The following ATP5F1C variants were observed in gnomAD, a reference collection of about 807,000 sequenced individuals.
ATP5F1C encodes the protein ATP synthase F1 subunit gamma, also known as ATP synthase F(1) complex subunit gamma, mitochondrial.
A neutral mutation model predicts 37.4 loss-of-function variants in ATP5F1C; 22 were observed. That is an observed-to-expected ratio of 0.59 (90% CI 0.42 to 0.84). The LOEUF (loss-of-function observed/expected upper bound fraction) is 0.84, where lower values mean the gene tolerates loss of function less well. ATP5F1C is among the 40% of genes least tolerant of loss of function. The pLI is 0.00. For synonymous variants in ATP5F1C, 121 were observed against 128.0 expected, an observed-to-expected ratio of 0.95 and a Z score of 0.37; for missense variants, 286 against 362.4, an observed-to-expected ratio of 0.79 and a Z score of 1.71.
At position 7,802,423 on chromosome 10, in the gene ATP5F1C, C is replaced by T. The variant is rs773480550; in HGVS notation, c.791C>T (p.Ala264Val). The T allele has an allele frequency of 2.0e-5, 33 of 1,611,308 alleles. No individual in the cohort carries two copies. Among genetic ancestry groups the T allele is most frequent in the Non-Finnish European group, 2.2e-5 (26 of 1,178,856 alleles). ...MTAMDNASKN[A>V]SEMIDKLTLT... ...GCCATGGACAATGCCAGCAAGAATG[C>T]TTGTAAGTACACAGTATGGACAGTG... Residue 264 changes from alanine to valine, a missense_variant and splice_region_variant, in exon 7 of 10, where the codon GCT (alanine) becomes GTT (valine). Transcript: ENST00000356708.
intron 2 of ATP5F1C, 73 bp downstream of exon 2, chr10:7,796,228 A>C: frequency 7.5e-7 from 1 of 1,330,982 alleles, no homozygotes; most frequent in Non-Finnish European, 1.0e-6. Context: ...ACTTTCAAAA[A>C]TATACTGCTT....
At chr10:7,797,324 C>G in intron 3 of ATP5F1C, 146 bp downstream of exon 3, 2 of 1,028,108 alleles carry the variant, frequency 1.9e-6, no homozygotes, top group Non-Finnish European at 1.4e-6. Context: ...CCACTTGACA[C>G]GTAATGATAA....
chr10:7,800,169 G>C (rs928137295), intron 6 of ATP5F1C, 78 bp downstream of exon 6: 60 of 1,356,784 alleles, frequency 4.4e-5, no homozygotes, highest in Non-Finnish European at 5.2e-5. Context: ...ACAGTGTCAA[G>C]ATATCTGGTG....
At chr10:7,799,976 TAAC>T (rs768277581) in intron 5 of ATP5F1C, 48 bp from the exon 6 acceptor site, 2 of 1,606,570 alleles carry the variant, frequency 1.2e-6, no homozygotes, top group East Asian at 4.5e-5. Flanking sequence ...TATTTTGAAA[TAAC>T]AGTTTAAAAA....
At chr10:7,802,725 A>AT in intron 7 of ATP5F1C, 33 bp from the exon 8 acceptor site, 2 of 1,591,968 alleles carry the variant, frequency 1.3e-6, no homozygotes. Flanking sequence ...CTAGTTTCAG[A>AT]TTTTTTATGT....
At chr10:7,807,523 C>G in intron 9 of ATP5F1C, 136 bp from the exon 10 acceptor site, 1 of 1,000,214 alleles carries the variant, frequency 1.0e-6, no homozygotes, top group South Asian at 2.6e-5. Context: ...ATTTTAGAAT[C>G]ACTGGTATAG....
At position 7,806,961 on chromosome 10, in the gene ATP5F1C, AT is replaced by A; in HGVS notation, c.891-12del. The A allele has an allele frequency of 6.2e-7, 1 of 1,608,378 alleles. No individual in the cohort carries two copies. The highest frequency in any genetic ancestry group is 1.7e-4 in the Middle Eastern group (1 of 6,048). On this transcript the variant is annotated splice_polypyrimidine_tract_variant and intron_variant, in intron 8 of 9. Coordinates refer to ENST00000356708, the MANE Select transcript of ATP5F1C (RefSeq NM_001001973.3). Reference sequence around the variant, plus strand: ...GTTTTGTGTTTGTCTTTTTCTTCTAATATAATAACCAGGGATTAATGAAAAT... The same window carrying A: ...GTTTTGTGTTTGTCTTTTTCTTCTAAATAATAACCAGGGATTAATGAAAAT...
rs1836514425 is a variant in ATP5F1C at position 7,807,787 on chromosome 10, C to T, written c.*159C>T. On this transcript the variant is annotated 3_prime_UTR_variant, in exon 10 of 10. Transcript: ENST00000356708. ...TATTTGTAAATTATCTTAAAATAAA[C>T]AACTTAAAATAAAATCATTGTTTTT... 2.8e-6 allele frequency: 3 copies of T among 1,068,688 alleles called. No homozygotes were observed. The highest frequency in any genetic ancestry group is 3.9e-6 in the Non-Finnish European group (3 of 762,426). 66.2% of individuals were successfully genotyped at this position (1,068,688 alleles called of 1,614,324 possible). A position where few individuals can be genotyped will look rare whatever the true frequency, so the allele number is the denominator to read the frequency against.
At chr10:7,804,682 C>T (rs1352416747) in intron 8 of ATP5F1C, among the ~76,000 whole-genome samples, 2 of 152,224 alleles carry the variant, frequency 1.3e-5, no homozygotes, top group Admixed American at 6.5e-5. Flanking sequence ...CTGTGTGCTC[C>T]TCGAGGCTAG....
intron 1 of ATP5F1C, among the ~76,000 whole-genome samples, chr10:7,794,421 T>C (rs1436673337): frequency 6.6e-6 from 1 of 152,034 alleles, no homozygotes; most frequent in East Asian, 1.9e-4. Context: ...GAGTGATGAG[T>C]GGGGATTTCC....
chr10:7,803,285 C>T (rs547281918), intron 8 of ATP5F1C, among the ~76,000 whole-genome samples: 5 of 151,212 alleles, frequency 3.3e-5, no homozygotes, highest in African/African-American at 1.2e-4. Flanking sequence ...TATATCAGTA[C>T]CAAAAGATAG....
chr10:7,805,989 G>A (rs1836472826), intron 8 of ATP5F1C, among the ~76,000 whole-genome samples: 1 of 152,062 alleles, frequency 6.6e-6, no homozygotes, highest in Non-Finnish European at 1.5e-5. Context: ...AGGAAATTGA[G>A]GCAGGAGGAT....
At chr10:7,795,957 G>A (rs1200602675) in intron 1 of ATP5F1C, among the ~76,000 whole-genome samples, 164 bp from the exon 2 acceptor site, 1 of 151,954 alleles carries the variant, frequency 6.6e-6, no homozygotes, top group Non-Finnish European at 1.5e-5. Flanking sequence ...CACTACTAAG[G>A]GATTTAAATA....
Position 7,807,666 on chromosome 10 carries a change from A to G in ATP5F1C, c.*38A>G, listed in dbSNP as rs1477021794. ...CTGTACTTTGTTTTTCAGGTAAAGAAGGAAAATTCAGCCAGTTGATTTTGT... is the reference window on the plus strand; with the variant it reads ...CTGTACTTTGTTTTTCAGGTAAAGAGGGAAAATTCAGCCAGTTGATTTTGT... On this transcript the variant is annotated 3_prime_UTR_variant, in exon 10 of 10. Transcript: ENST00000356708. 6.2e-7 allele frequency: 1 copy of G among 1,607,964 alleles called. No individual in the cohort carries two copies.
At chr10:7,790,193 G>A (rs1836141101) in intron 1 of ATP5F1C, among the ~76,000 whole-genome samples, 1 of 152,164 alleles carries the variant, frequency 6.6e-6, no homozygotes, top group African/African-American at 2.4e-5. Flanking sequence ...TTGTCTTAAC[G>A]AACCATGAAG....
chr10:7,799,778 T>C lies in ATP5F1C; in HGVS notation c.435T>C (p.His145=), dbSNP rs989677803. The C allele has an allele frequency of 5.4e-5, 87 of 1,613,982 alleles. No homozygotes were observed. In the Admixed American group the frequency reaches 1.4e-3, roughly 27 times the overall value. Residue 145 remains histidine (H), a synonymous_variant, in exon 5 of 10, where the codon CAT becomes CAC. Coordinates refer to ENST00000356708, the MANE Select transcript of ATP5F1C (RefSeq NM_001001973.3). ...GCTCTTGCTTTTCTTATAGGACTCA[T>C]TCTGACCAGTTTCTGGTGGCATTCA... is the stretch of plus-strand genomic sequence containing the variant. ...DKIRGILYRT[H]SDQFLVAFKE... is the part of the protein sequence containing the mutation.
At chr10:7,796,044 T>C in intron 1 of ATP5F1C, 77 bp from the exon 2 acceptor site, 4 of 1,085,222 alleles carry the variant, frequency 3.7e-6, no homozygotes, top group Non-Finnish European at 4.0e-6. Context: ...AATAAATATA[T>C]ATTAACTGAA....
At chr10:7,791,130 T>C (rs970154590) in intron 1 of ATP5F1C, among the ~76,000 whole-genome samples, 4 of 152,076 alleles carry the variant, frequency 2.6e-5, no homozygotes, top group Non-Finnish European at 5.9e-5. Context: ...TGAAACCCTG[T>C]CTGTACTAAA....
At chr10:7,794,383 C>T (rs1470251545) in intron 1 of ATP5F1C, among the ~76,000 whole-genome samples, 4 of 152,232 alleles carry the variant, frequency 2.6e-5, no homozygotes, top group Admixed American at 1.3e-4. Flanking sequence ...ACTGCATTAG[C>T]TAAGACTTCC....
Sources: gnomAD v4.1 joint callset for allele counts (sites outside exome capture counted in the v4.1 genomes callset) on GRCh38, gnomAD v4.1.1 for gene constraint, MANE v1.5 for transcripts, NCBI Gene and HGNC (gene_info 2026-07-23, HGNC 2026-07-21) for gene names.